GPC5: variants seen among roughly 807,000 people sequenced by gnomAD.
The protein encoded by GPC5 is glypican-5.
Under a neutral mutation model 53.9 loss-of-function variants are expected in GPC5, and 47 were observed. The observed-to-expected ratio is 0.87, with a 90% CI of 0.69 to 1.11. The LOEUF is 1.11. GPC5 is among the 50% of genes most tolerant of loss of function. The pLI, the probability that GPC5 is intolerant of heterozygous loss-of-function variation, is 0.00. For synonymous variants in GPC5, 286 were observed against 263.3 expected (o/e 1.09, Z -0.84); for missense variants, 748 against 713.1 (o/e 1.05, Z -0.56).
chr13:92,082,909 T>C (rs764017098), intron 6 of GPC5, among the ~76,000 whole-genome samples: 3 of 152,180 alleles, frequency 2.0e-5, no homozygotes, highest in Admixed American at 6.5e-5. Flanking sequence ...CAGAGATGTG[T>C]CTACCTGGGA....
intron 4 of GPC5, among the ~76,000 whole-genome samples, chr13:91,742,626 C>T (rs1180321238): frequency 6.6e-6 from 1 of 152,120 alleles, no homozygotes; most frequent in Non-Finnish European, 1.5e-5. Flanking sequence ...TCAACAGATG[C>T]CCACTTTTTG....
At chr13:91,587,203 T>G (rs1225803440) in intron 2 of GPC5, among the ~76,000 whole-genome samples, 2 of 152,158 alleles carry the variant, frequency 1.3e-5, no homozygotes, top group Admixed American at 1.3e-4. Context: ...TTTTAGGCTA[T>G]TTATAGTGTT....
chr13:92,649,621 T>C (rs778078208), intron 7 of GPC5, among the ~76,000 whole-genome samples: 1 of 152,046 alleles, frequency 6.6e-6, no homozygotes, highest in African/African-American at 2.4e-5. Context: ...GAAACAAACT[T>C]TTTACTAGAG....
intron 7 of GPC5, among the ~76,000 whole-genome samples, chr13:92,505,423 A>G (rs1191028880): frequency 6.6e-6 from 1 of 152,000 alleles, no homozygotes; most frequent in Non-Finnish European, 1.5e-5. Context: ...GCTACAACCC[A>G]TTAGAATAAC....
At chr13:92,185,184 C>T (rs1348577589) in intron 7 of GPC5, among the ~76,000 whole-genome samples, 2 of 152,062 alleles carry the variant, frequency 1.3e-5, no homozygotes, top group Non-Finnish European at 2.9e-5. Flanking sequence ...ATCCTGGGAC[C>T]TTTATCAGCT....
chr13:91,608,784 T>A (rs919465670), intron 2 of GPC5, among the ~76,000 whole-genome samples: 1 of 151,992 alleles, frequency 6.6e-6, no homozygotes, highest in African/African-American at 2.4e-5. Flanking sequence ...TAGTTTTGTG[T>A]AATAAGATTT....
intron 7 of GPC5, among the ~76,000 whole-genome samples, chr13:92,348,282 C>A (rs1049938923): frequency 6.6e-6 from 1 of 151,516 alleles, no homozygotes; most frequent in Non-Finnish European, 1.5e-5. Flanking sequence ...AAAAGATATT[C>A]CATGCAAATG....
At chr13:92,820,594 C>G (rs1877641091) in intron 7 of GPC5, among the ~76,000 whole-genome samples, 1 of 152,146 alleles carries the variant, frequency 6.6e-6, no homozygotes, top group African/African-American at 2.4e-5. Flanking sequence ...CTGACCTTCA[C>G]TAACCCTCCT....
rs1341477606 is a variant in GPC5, at chr13:91,686,171, A to G, written c.326-7016A>G. Among the ~76,000 whole-genome samples the G allele has an allele frequency of 3.9e-5, 6 of 152,208 alleles. 1 individual carries two copies. The East Asian group carries it at 1.2e-3, about 29-fold the overall frequency. ...TTAGAACTGATTTTATCTGTTACAC[A>G]ACTGCTTAAGGGAATTTAAATTTCT... On this transcript the variant is annotated intron_variant, in intron 2 of 7. Coordinates refer to ENST00000377067, the MANE Select transcript of GPC5 (RefSeq NM_004466.6).
At chr13:91,889,731 T>C (rs543185108) in intron 5 of GPC5, among the ~76,000 whole-genome samples, 1 of 152,292 alleles carries the variant, frequency 6.6e-6, no homozygotes, top group East Asian at 1.9e-4. Context: ...TGAGCTTGTA[T>C]AGTTCAAGGA....
intron 7 of GPC5, among the ~76,000 whole-genome samples, chr13:92,628,277 T>C (rs1182970442): frequency 9.1e-6 from 1 of 109,418 alleles, no homozygotes; most frequent in African/African-American, 3.7e-5. Flanking sequence ...TTTTTTTTTT[T>C]TTTTTTTTTT....
chr13:92,241,508 C>T (rs976352420), intron 7 of GPC5: 11 of 152,076 alleles, frequency 7.2e-5, no homozygotes, highest in Admixed American at 2.6e-4. Context: ...AAATGCATCA[C>T]GGGTAAAGAA....
chr13:91,911,387 T>C (rs1159089905), intron 6 of GPC5, among the ~76,000 whole-genome samples: 2 of 151,716 alleles, frequency 1.3e-5, no homozygotes, highest in East Asian at 1.9e-4. Flanking sequence ...CTACTAAAAA[T>C]ACAAAAATTA....
At chr13:91,631,561 G>A (rs2034158619) in intron 2 of GPC5, among the ~76,000 whole-genome samples, 1 of 152,064 alleles carries the variant, frequency 6.6e-6, no homozygotes, top group Non-Finnish European at 1.5e-5. Flanking sequence ...AGGTAGCTGA[G>A]CACTGCGTGT....
chr13:92,018,354 C>G (rs1481139648), intron 6 of GPC5, among the ~76,000 whole-genome samples: 1 of 151,844 alleles, frequency 6.6e-6, no homozygotes, highest in Middle Eastern at 3.2e-3. Context: ...AGTTTAATGG[C>G]TTTATGTAGA....
At chr13:92,809,759 T>A (rs1194994626) in intron 7 of GPC5, among the ~76,000 whole-genome samples, 1 of 152,154 alleles carries the variant, frequency 6.6e-6, no homozygotes, top group Admixed American at 6.6e-5. Context: ...GCAGGGGATT[T>A]AAGATTTTAA....
At chr13:91,520,443 G>T (rs1480962461) in intron 2 of GPC5, among the ~76,000 whole-genome samples, 1 of 151,986 alleles carries the variant, frequency 6.6e-6, no homozygotes, top group African/African-American at 2.4e-5. Flanking sequence ...TCATAATTTG[G>T]GTGGGCCTCA....
chr13:91,513,110 C>T (rs1355104885), intron 2 of GPC5, among the ~76,000 whole-genome samples: 1 of 152,082 alleles, frequency 6.6e-6, no homozygotes, highest in Non-Finnish European at 1.5e-5. Context: ...ACCTATGAAC[C>T]CATCACCTAG....
rs1367306875 is a variant in GPC5, at chr13:91,815,579, T to A, written c.1280+59159T>A. On this transcript the variant is annotated intron_variant, in intron 5 of 7. Coordinates refer to ENST00000377067, the MANE Select transcript of GPC5 (RefSeq NM_004466.6). The stretch of plus-strand genomic sequence containing the variant: ...CATCTGACTCAAATAAATGAAAATC[T>A]GGACATTATGATTCCTTAGTGAGCA... Among the ~76,000 whole-genome samples the A allele has an allele frequency of 2.0e-5, 3 of 152,174 alleles. No individual in the cohort carries two copies. The East Asian group carries it at 5.8e-4, about 29-fold the overall frequency.
Sources: allele counts gnomAD v4.1 joint callset (sites outside exome capture counted in the v4.1 genomes callset), GRCh38; gene constraint gnomAD v4.1.1; transcripts MANE v1.5; gene names NCBI Gene and HGNC (gene_info 2026-07-23, HGNC 2026-07-21).